Variants in QTMAN observed in about 807,000 individuals in gnomAD.
The protein encoded by QTMAN is tRNA-queuosine alpha-mannosyltransferase.
the QTMAN span, among the ~76,000 whole-genome samples, chr2:144,157,531 G>A: frequency 2.0e-5 from 3 of 152,046 alleles, no homozygotes; most frequent in South Asian, 6.2e-4. Flanking sequence ...GAAGTGAGAA[G>A]GGAACCTCAG....
chr2:144,257,955 A>T, the QTMAN span, among the ~76,000 whole-genome samples: 1 of 152,206 alleles, frequency 6.6e-6, no homozygotes, highest in East Asian at 1.9e-4. Flanking sequence ...GGGTTCAAAG[A>T]AAATTATGAA....
the QTMAN span, among the ~76,000 whole-genome samples, chr2:143,966,462 C>T: frequency 2.0e-5 from 3 of 152,164 alleles, no homozygotes; most frequent in South Asian, 2.1e-4. Flanking sequence ...CCATTGCATC[C>T]TAAATGTTCA....
chr2:144,086,387 TCTTC>T, the QTMAN span, among the ~76,000 whole-genome samples: 91 of 152,326 alleles, frequency 6.0e-4, 1 homozygote, highest in Non-Finnish European at 1.0e-3. Context: ...GCTCAAGTAA[TCTTC>T]CCGCCTTGGC....
chr2:144,084,849 C>CT, the QTMAN span, among the ~76,000 whole-genome samples: 4 of 152,114 alleles, frequency 2.6e-5, no homozygotes, highest in African/African-American at 9.7e-5. Flanking sequence ...GTCAATTTTT[C>CT]TTTTCACTAA....
the QTMAN span, among the ~76,000 whole-genome samples, chr2:144,191,062 T>C: frequency 6.6e-6 from 1 of 152,226 alleles, no homozygotes; most frequent in African/African-American, 2.4e-5. Flanking sequence ...AAACCAGAGC[T>C]TCTCTGCCAA....
At chr2:144,087,989 C>A in the QTMAN span, among the ~76,000 whole-genome samples, 88 of 152,032 alleles carry the variant, frequency 5.8e-4, no homozygotes, top group Middle Eastern at 0.014. Context: ...AAATAAAAGG[C>A]ATCCAAACCA....
chr2:144,283,091 T>G, the QTMAN span, among the ~76,000 whole-genome samples: 1 of 152,186 alleles, frequency 6.6e-6, no homozygotes, highest in Non-Finnish European at 1.5e-5. Context: ...ATCATATCCT[T>G]TTTTAATAAA....
At chr2:144,327,565 A>G in the QTMAN span, among the ~76,000 whole-genome samples, 2 of 152,210 alleles carry the variant, frequency 1.3e-5, no homozygotes, top group Non-Finnish European at 2.9e-5. Context: ...TCATGACTGG[A>G]TGAATCCAGG....
At chr2:144,237,999 G>C in the QTMAN span, among the ~76,000 whole-genome samples, 2,511 of 152,280 alleles carry the variant, frequency 0.016, 61 homozygotes, top group African/African-American at 0.057. Flanking sequence ...CTCCAGGCTA[G>C]TCTAACTTTC....
chr2:143,947,793 GT>G, the QTMAN span, among the ~76,000 whole-genome samples: 2 of 147,226 alleles, frequency 1.4e-5, no homozygotes, highest in African/African-American at 4.9e-5. Context: ...ATGCTAAAAG[GT>G]TTTTTCCTTT....
chr2:144,266,595 A>G, the QTMAN span, among the ~76,000 whole-genome samples: 1 of 152,262 alleles, frequency 6.6e-6, no homozygotes, highest in Non-Finnish European at 1.5e-5. Flanking sequence ...TAGCAATGTA[A>G]GTAAAGTGAA....
the QTMAN span, among the ~76,000 whole-genome samples, chr2:144,043,570 T>C: frequency 6.6e-6 from 1 of 151,698 alleles, no homozygotes; most frequent in Non-Finnish European, 1.5e-5. Context: ...GAGGCAGAGG[T>C]TGGAGTGAGC....
chr2:144,153,607 C>T, the QTMAN span, among the ~76,000 whole-genome samples: 19 of 152,112 alleles, frequency 1.2e-4, no homozygotes, highest in African/African-American at 3.6e-4. Context: ...AGGAGAATGG[C>T]GTGAACCCAG....
the QTMAN span, among the ~76,000 whole-genome samples, chr2:144,063,247 T>C: frequency 6.6e-6 from 1 of 152,096 alleles, no homozygotes; most frequent in South Asian, 2.1e-4. Flanking sequence ...ATGATAACCC[T>C]AGGTAGCTCA....
At chr2:144,259,335 T>C in the QTMAN span, among the ~76,000 whole-genome samples, 4 of 152,154 alleles carry the variant, frequency 2.6e-5, no homozygotes, top group Non-Finnish European at 5.9e-5. Context: ...ATTTTTGTAC[T>C]TTTGGTAGAG....
the QTMAN span, chr2:143,943,511 G>A: frequency 6.6e-6 from 1 of 152,242 alleles, no homozygotes; most frequent in Non-Finnish European, 1.5e-5. Flanking sequence ...AAAGTATCTT[G>A]AGACTTCAGT....
chr2:143,980,339 C>T, the QTMAN span, among the ~76,000 whole-genome samples: 1 of 152,172 alleles, frequency 6.6e-6, no homozygotes, highest in African/African-American at 2.4e-5. Flanking sequence ...CCAGCTCCAT[C>T]CATGTCTGTG....
At chr2:144,273,309 C>T in the QTMAN span, among the ~76,000 whole-genome samples, 1 of 152,124 alleles carries the variant, frequency 6.6e-6, no homozygotes, top group Non-Finnish European at 1.5e-5. Flanking sequence ...CCAGGGGACT[C>T]CTCCCTAAGA....
the QTMAN span, among the ~76,000 whole-genome samples, chr2:144,237,770 C>T: frequency 2.0e-5 from 3 of 152,218 alleles, no homozygotes; most frequent in South Asian, 6.2e-4. Flanking sequence ...CAGGGTTGGT[C>T]TGAGTGATCA....
Sources: allele counts gnomAD v4.1 joint callset (sites outside exome capture counted in the v4.1 genomes callset), GRCh38; gene constraint gnomAD v4.1.1; transcripts MANE v1.5; gene names NCBI Gene and HGNC (gene_info 2026-07-23, HGNC 2026-07-21).